Variants in TTC28 observed in about 807,000 individuals in gnomAD.
TTC28 encodes the protein tetratricopeptide repeat protein 28.
A neutral mutation model predicts 198.0 loss-of-function variants in TTC28; 61 were observed. The ratio of observed to expected loss-of-function variants is 0.31; its 90% CI spans 0.25 to 0.38. TTC28 has a LOEUF of 0.38. TTC28 is among the 10% of genes least tolerant of loss of function. The pLI is 1.00. For synonymous variants in TTC28, 1,171 were observed against 1,297.8 expected, an observed-to-expected ratio of 0.90 and a Z score of 2.10; for missense variants, 2,678 against 3,164.0, an observed-to-expected ratio of 0.85 and a Z score of 3.69.
chr22:28,482,492 G>C (rs1346599502), intron 2 of TTC28, among the ~76,000 whole-genome samples: 1 of 151,874 alleles, frequency 6.6e-6, no homozygotes, highest in Admixed American at 6.6e-5. Context: ...ACAGGCATGA[G>C]CCACCGCGCC....
At chr22:28,526,337 C>T (rs1478688723) in intron 2 of TTC28, among the ~76,000 whole-genome samples, 1 of 152,194 alleles carries the variant, frequency 6.6e-6, no homozygotes, top group Non-Finnish European at 1.5e-5. Context: ...GCAGTTTCCA[C>T]TTCCCATAAT....
chr22:27,994,536 A>G (rs1396711410), intron 17 of TTC28: 1 of 150,922 alleles, frequency 6.6e-6, no homozygotes, highest in African/African-American at 2.4e-5. Flanking sequence ...CACACCAGCC[A>G]GGAGGAAACA....
intron 1 of TTC28, among the ~76,000 whole-genome samples, chr22:28,679,138 T>C (rs6005834): frequency 0.086 from 13,090 of 152,270 alleles, 1,007 homozygotes; most frequent in African/African-American, 0.21. Flanking sequence ...CGCTCTTTGA[T>C]GAGCCACCGA....
intron 5 of TTC28, among the ~76,000 whole-genome samples, chr22:28,252,996 CATTTTAAAGA>C (rs1930637053): frequency 6.6e-6 from 1 of 152,078 alleles, no homozygotes; most frequent in African/African-American, 2.4e-5. Flanking sequence ...ACACTCAAAT[CATTTTAAAGA>C]TACCTATAGA....
rs2049306156 is a variant in TTC28 at position 28,537,301 on chromosome 22, A to AACATAAC, written c.381+92250_381+92251insGTTATGT. 4.8e-5 allele frequency among the ~76,000 whole-genome samples: 6 copies of AACATAAC among 124,156 alleles called. No homozygotes were observed. The East Asian group carries it at 1.4e-3, about 29-fold the overall frequency. 81.5% of individuals were successfully genotyped at this position (124,156 alleles called of 152,430 possible). ...GAGCCAGACTCCGTCTCAAAAATAA[A>AACATAAC]ATAAAATAAAATAAAATAAAATAAA... On this transcript the variant is annotated intron_variant, in intron 2 of 22. Coordinates refer to ENST00000397906, the MANE Select transcript of TTC28 (RefSeq NM_001145418.2).
intron 2 of TTC28, among the ~76,000 whole-genome samples, chr22:28,609,687 GTTTT>G (rs374988434): frequency 6.1e-5 from 9 of 147,290 alleles, no homozygotes; most frequent in Non-Finnish European, 9.0e-5. Flanking sequence ...GAGTTTGTTT[GTTTT>G]TTTTTTTCCA....
At chr22:28,519,108 G>C (rs190562030) in intron 2 of TTC28, among the ~76,000 whole-genome samples, 115 of 152,296 alleles carry the variant, frequency 7.6e-4, no homozygotes, top group African/African-American at 2.6e-3. Flanking sequence ...AAAGAGAGCA[G>C]GGAGAAGTGT....
intron 2 of TTC28, among the ~76,000 whole-genome samples, chr22:28,573,291 C>T (rs2050092176): frequency 6.6e-6 from 1 of 151,538 alleles, no homozygotes; most frequent in Non-Finnish European, 1.5e-5. Flanking sequence ...CCCATCTCTA[C>T]TAAAAATACA....
chr22:28,455,801 C>T (rs2047850945), intron 2 of TTC28, among the ~76,000 whole-genome samples: 1 of 152,006 alleles, frequency 6.6e-6, no homozygotes, highest in African/African-American at 2.4e-5. Flanking sequence ...TTACATCTCA[C>T]CCACTTTCTA....
chr22:28,327,552 AG>A (rs1161346231), intron 2 of TTC28, among the ~76,000 whole-genome samples: 3 of 152,358 alleles, frequency 2.0e-5, no homozygotes, highest in Non-Finnish European at 4.4e-5. Context: ...GTTGACAAAA[AG>A]GTTGTGACCA....
chr22:28,621,431 A>C (rs1440789887), intron 2 of TTC28, among the ~76,000 whole-genome samples: 3 of 151,992 alleles, frequency 2.0e-5, no homozygotes, highest in Non-Finnish European at 4.4e-5. Context: ...TTTAAGAAAA[A>C]AGGCTGGGCC....
At chr22:28,496,370 C>A (rs972621370) in intron 2 of TTC28, among the ~76,000 whole-genome samples, 1 of 152,056 alleles carries the variant, frequency 6.6e-6, no homozygotes, top group East Asian at 1.9e-4. Context: ...AGATCTCTCT[C>A]AAAAACATCT....
At chr22:28,374,975 C>T (rs1466321041) in intron 2 of TTC28, among the ~76,000 whole-genome samples, 1 of 151,524 alleles carries the variant, frequency 6.6e-6, no homozygotes, top group African/African-American at 2.4e-5. Context: ...GTAATCTAAG[C>T]AACTCGGCAG....
At position 28,298,894 on chromosome 22, in the gene TTC28, C is replaced by T. The variant is rs1601597069; in HGVS notation, c.530-1042G>A. The stretch of plus-strand genomic sequence containing the variant: ...CTGCTGCTTCGGAAACCAGTAGCCC[C>T]CGACTAGAAGAATATTATGCATTTT... On this transcript the variant is annotated intron_variant, in intron 3 of 22. Coordinates refer to ENST00000397906, the MANE Select transcript of TTC28 (RefSeq NM_001145418.2). Among the ~76,000 whole-genome samples the T allele has an allele frequency of 4.6e-5, 7 of 152,248 alleles. No homozygotes were observed. The South Asian group carries it at 1.5e-3, about 32-fold the overall frequency.
intron 1 of TTC28, among the ~76,000 whole-genome samples, chr22:28,647,923 T>C (rs1057318682): frequency 2.7e-5 from 4 of 150,054 alleles, no homozygotes; most frequent in Non-Finnish European, 5.9e-5. Context: ...CCAACAAATA[T>C]ATTTAAAAAT....
intron 6 of TTC28, among the ~76,000 whole-genome samples, chr22:28,159,749 A>G (rs948691432): frequency 6.6e-6 from 1 of 152,170 alleles, no homozygotes; most frequent in African/African-American, 2.4e-5. Context: ...AGTATGTCGA[A>G]GAGATATCTG....
At chr22:28,653,409 G>A (rs992295694) in intron 1 of TTC28, among the ~76,000 whole-genome samples, 4 of 152,002 alleles carry the variant, frequency 2.6e-5, no homozygotes, top group Middle Eastern at 3.4e-3. Context: ...AAGCTGAGGT[G>A]GGAGAATCAC....
At position 28,105,699 on chromosome 22, in the gene TTC28, G is replaced by C; in HGVS notation, c.2887C>G (p.Leu963Val). 6.4e-7 allele frequency: 1 copy of C among 1,551,818 alleles called. No homozygotes were observed. Reference sequence around the variant, plus strand: ...CCTAATTGGCTGTGCAGACTTCCCAGCTCTCCATAGGCCTGGGCTTTATTG... The same window carrying C: ...CCTAATTGGCTGTGCAGACTTCCCACCTCTCCATAGGCCTGGGCTTTATTG... ...AFNKAQAYGE[L>V]GSLHSQLGNY... Residue 963 changes from leucine to valine, a missense_variant, in exon 8 of 23, where the codon CTG becomes GTG. This residue lies in a region of TTC28 where 727 missense variants were observed against 861.9 expected (regional missense o/e 0.84). Transcript: ENST00000397906.
chr22:28,436,563 C>G (rs1452173299), intron 2 of TTC28, among the ~76,000 whole-genome samples: 1 of 152,048 alleles, frequency 6.6e-6, no homozygotes, highest in Non-Finnish European at 1.5e-5. Flanking sequence ...AGGAGAAGGC[C>G]CTCTAGAAAG....
Sources: allele counts gnomAD v4.1 joint callset (sites outside exome capture counted in the v4.1 genomes callset), GRCh38; gene constraint gnomAD v4.1.1; regional missense constraint gnomAD v4.1.1; transcripts MANE v1.5; gene names NCBI Gene and HGNC (gene_info 2026-07-23, HGNC 2026-07-21).